The following TULP1 variants were observed in gnomAD, a reference collection of about 807,000 sequenced individuals.
The protein encoded by TULP1 is tubby-related protein 1.
In TULP1, 50 loss-of-function variants were observed where a neutral mutation model predicts 67.1. The ratio of observed to expected loss-of-function variants is 0.75; its 90% CI spans 0.59 to 0.94. TULP1 has a LOEUF of 0.94. Ranked by LOEUF, TULP1 falls within the 40% of genes least tolerant of loss-of-function variation. The probability of loss-of-function intolerance (pLI) is 0.00; values close to 1 mark genes in which losing one functional copy is unlikely to be tolerated. For missense variants in TULP1, 746 were observed against 734.1 expected, an observed-to-expected ratio of 1.02 and a Z score of -0.19; for synonymous variants, 297 against 294.0, an observed-to-expected ratio of 1.01 and a Z score of -0.11.
intron 11 of TULP1, chr6:35,505,524 T>C: frequency 7.2e-7 from 1 of 1,383,270 alleles, no homozygotes; most frequent in Middle Eastern, 1.8e-4. Context: ...TGGGTGCTCA[T>C]TAAAAATGTA....
chr6:35,510,960 C>T lies in TULP1; in HGVS notation c.400G>A (p.Glu134Lys), dbSNP rs1333452318. 6.2e-7 allele frequency: 1 copy of T among 1,612,040 alleles called. No individual in the cohort carries two copies. ...DEEDEEEEAE[E>K]KKEKILLPPK... ...GGCAGAAGGATTTTCTCTTTCTTTT[C>T]CTCTGCCTCCTCTTCCTCGTCCTCC... Residue 134 changes from glutamate (E) to lysine (K), a missense_variant, in exon 5 of 15, where the codon GAA becomes AAA. By Grantham distance (56) the Glu-to-Lys change is moderately conservative. Transcript: ENST00000229771.
intron 13 of TULP1, among the ~76,000 whole-genome samples, chr6:35,501,371 A>C (rs1332290660): frequency 1.3e-5 from 2 of 152,024 alleles, no homozygotes; most frequent in Non-Finnish European, 2.9e-5. Flanking sequence ...GCATGTGCCT[A>C]GGGTCTCAGC....
At chr6:35,509,179 C>A in intron 8 of TULP1, 30 bp downstream of exon 8, 1 of 1,598,748 alleles carries the variant, frequency 6.3e-7, no homozygotes, top group African/African-American at 1.3e-5. Context: ...CCTGAAGGGA[C>A]CTCAGCCCCC....
intron 11 of TULP1, among the ~76,000 whole-genome samples, chr6:35,504,508 C>G (rs1469583427): frequency 6.6e-6 from 1 of 152,202 alleles, no homozygotes; most frequent in Non-Finnish European, 1.5e-5. Flanking sequence ...AACAGCATTT[C>G]CCTCATTTGG....
At chr6:35,502,471 C>T (rs1048795682) in intron 13 of TULP1, among the ~76,000 whole-genome samples, 2 of 148,652 alleles carry the variant, frequency 1.3e-5, no homozygotes, top group South Asian at 2.1e-4. Flanking sequence ...GGGTCACAAG[C>T]GTGAGCCACC....
In TULP1 at chr6:35,511,751, C is replaced by A. The variant is rs1017444695; in HGVS notation, c.246G>T (p.Arg82=). 5.0e-6 allele frequency: 8 copies of A among 1,584,760 alleles called. No homozygotes were observed. The South Asian group carries it at 9.2e-5, about 18-fold the overall frequency. Reference sequence around the variant, plus strand: ...ACCTGGCGTAGACCGTCTGCGGCGCCCGGGCCTGGGCTGGGTCTGGGGAAG... The same window carrying A: ...ACCTGGCGTAGACCGTCTGCGGCGCACGGGCCTGGGCTGGGTCTGGGGAAG... The part of the protein sequence containing the change: ...EEPSPDPAQA[R]APQTVYARFL... Residue 82 remains arginine (R), a synonymous_variant, in exon 4 of 15, where the codon CGG becomes CGT. Transcript: ENST00000229771.
intron 13 of TULP1, among the ~76,000 whole-genome samples, chr6:35,501,843 T>A (rs1382774217): frequency 6.6e-6 from 1 of 152,122 alleles, no homozygotes; most frequent in Non-Finnish European, 1.5e-5. Flanking sequence ...ACAAGTCATG[T>A]CACTCCTTTG....
At chr6:35,507,565 C>G (rs1761110828) in intron 8 of TULP1, among the ~76,000 whole-genome samples, 1 of 152,178 alleles carries the variant, frequency 6.6e-6, no homozygotes, top group Admixed American at 6.5e-5. Context: ...CTCCTAAGAA[C>G]AATTTGGTGA....
At chr6:35,506,690 A>G (rs2075611) in intron 8 of TULP1, among the ~76,000 whole-genome samples, 68,080 of 152,016 alleles carry the variant, frequency 0.45, 15,819 homozygotes, top group Admixed American at 0.57. Flanking sequence ...CCCCACTGCG[A>G]TAGTCATCCC....
At chr6:35,509,602 A>G (rs1271847628) in intron 7 of TULP1, 32 bp downstream of exon 7, 2 of 1,605,922 alleles carry the variant, frequency 1.2e-6, no homozygotes, top group East Asian at 2.2e-5. Flanking sequence ...CCACCTCAAG[A>G]TGTCACCACA....
intron 3 of TULP1, 136 bp downstream of exon 3, chr6:35,512,044 C>T (rs1761217771): frequency 1.8e-6 from 1 of 543,646 alleles, no homozygotes; most frequent in Non-Finnish European, 3.0e-6. Context: ...AACCCCAATC[C>T]CTCCCCTCTC....
At position 35,512,683 on chromosome 6, in the gene TULP1, C is replaced by T. The variant is rs367559991; in HGVS notation, c.55G>A (p.Glu19Lys). The stretch of plus-strand genomic sequence containing the variant: ...GCCTCCGGGCTCAGGCTTTCTTCTT[C>T]ATGCCCACTGAGGGTAGCAAAGGGA... ...REVWASDSGH[E>K]EESLSPEAPR... Residue 19 changes from glutamate (E) to lysine (K), a missense_variant, in exon 2 of 15, where the codon GAA becomes AAA. Around this residue, in one of 3 missense-constraint regions of TULP1, gnomAD observed 359 missense variants for 341.9 expected, o/e 1.05. Coordinates refer to ENST00000229771, the MANE Select transcript of TULP1 (RefSeq NM_003322.6). The T allele has an allele frequency of 5.6e-6, 9 of 1,613,934 alleles. No individual in the cohort carries two copies. In the African/African-American group the frequency reaches 1.2e-4, roughly 22 times the overall value.
rs1267789133 is a variant in TULP1 at position 35,499,843 on chromosome 6, G to A, written c.1495+138C>T. The A allele has an allele frequency of 2.8e-6, 3 of 1,074,344 alleles. No homozygotes were observed. In the African/African-American group the frequency reaches 4.6e-5, roughly 17 times the overall value. The allele number at this position is 1,074,344 out of a possible 1,614,324, so 66.6% of individuals were successfully genotyped here. On this transcript the variant is annotated intron_variant, in intron 14 of 14. Transcript: ENST00000229771. Reference sequence around the variant, plus strand: ...ACAGTGTCAGTGCCTATGGAGGAGAGAGTGACCCTGTGGGATGTCCCAGCT... The same window carrying A: ...ACAGTGTCAGTGCCTATGGAGGAGAAAGTGACCCTGTGGGATGTCCCAGCT...
Position 35,499,884 on chromosome 6 carries a change from G to GGT in TULP1, c.1495+95_1495+96dup, listed in dbSNP as rs534847827. ...TGTCCCAGCTCTCGGGATAAAGGCT[G>GGT]GTGTGTGTGTGTGTGAGGGGGTGAG... On this transcript the variant is annotated intron_variant, in intron 14 of 14. Transcript: ENST00000229771. The GGT allele has an allele frequency of 2.1e-3, 2,800 of 1,355,610 alleles. 5 individuals are homozygous for GGT. Among genetic ancestry groups the GGT allele is most frequent in the South Asian group, 8.2e-3 (695 of 84,756 alleles). 84.0% of individuals were successfully genotyped at this position (1,355,610 alleles called of 1,614,324 possible).
In TULP1 at chr6:35,500,060, A is replaced by G; in HGVS notation, c.1416T>C (p.Ser472=). 1 of 1,614,172 alleles carries G rather than the reference A, an allele frequency of 6.2e-7. No homozygotes were observed. The highest frequency in any genetic ancestry group is 8.5e-7 in the Non-Finnish European group (1 of 1,180,032). The change falls in exon 14 of 15, where the codon AGT becomes AGC. Residue 472 remains serine, a synonymous_variant. Transcript: ENST00000229771. ...HNKPPVWNDD[S]GSYTLNFQGR... is the part of the protein sequence containing the mutation. Reference sequence around the variant, plus strand: ...CTTGGAAGTTGAGGGTGTAGGAGCCACTGTCATCGTTCCAGACAGGTGGCT... The same window carrying G: ...CTTGGAAGTTGAGGGTGTAGGAGCCGCTGTCATCGTTCCAGACAGGTGGCT...
Position 35,503,320 on chromosome 6 carries a change from G to T in TULP1, c.1323+239C>A. ...TTGGCACTCAATATGTGTGGTCAATGAAGATATGAATGGATGTAATATATG... is the reference window on the plus strand; with the variant it reads ...TTGGCACTCAATATGTGTGGTCAATTAAGATATGAATGGATGTAATATATG... On this transcript the variant is annotated intron_variant, in intron 13 of 14. Coordinates refer to ENST00000229771, the MANE Select transcript of TULP1 (RefSeq NM_003322.6). This position sits in a 1 kb window ranked among gnomAD's most constrained non-coding sequence, Gnocchi z 4.0. 1 of 541,210 alleles carries T rather than the reference G, an allele frequency of 1.8e-6. No homozygotes were observed. Among genetic ancestry groups the T allele is most frequent in the African/African-American group, 1.9e-5 (1 of 52,638 alleles). The allele number at this position is 541,210 out of a possible 1,614,324, so 33.5% of individuals were successfully genotyped here.
In TULP1 at chr6:35,503,778, T is replaced by C. The variant is rs1761022430; in HGVS notation, c.1183A>G (p.Asn395Asp). 3 of 1,613,558 alleles carry C rather than the reference T, an allele frequency of 1.9e-6. No homozygotes were observed. In the African/African-American group the frequency reaches 4.0e-5, roughly 22 times the overall value. The change falls in exon 12 of 15, where the codon AAT becomes GAT. Residue 395 changes from asparagine to aspartate, a missense_variant. Physicochemically the swap from Asn to Asp is conservative, Grantham distance 23. Around this residue, in one of 3 missense-constraint regions of TULP1, gnomAD observed 383 missense variants for 374.1 expected, o/e 1.02. Transcript: ENST00000229771. This position sits in a 1 kb window ranked among gnomAD's most constrained non-coding sequence, Gnocchi z 4.0. The stretch of plus-strand genomic sequence containing the variant: ...AGCTCCTGCCGAAGGCTTGCCACAT[T>C]AGTGCTGTACCCACGCTGTGGGTTC... ...GQNPQRGYSTNVASLRQELAA... is the reference protein window; with the variant it reads ...GQNPQRGYSTDVASLRQELAA...
In TULP1 at chr6:35,512,700, GCAAAGGGAT is replaced by G; in HGVS notation, c.48-19_48-11del. 1 of 1,613,926 alleles carries G rather than the reference GCAAAGGGAT, an allele frequency of 6.2e-7. No homozygotes were observed. The highest frequency in any genetic ancestry group is 8.5e-7 in the Non-Finnish European group (1 of 1,179,988). On this transcript the variant is annotated splice_polypyrimidine_tract_variant and intron_variant, in intron 1 of 14. Transcript: ENST00000229771. Reference sequence around the variant, plus strand: ...TTCTTCTTCATGCCCACTGAGGGTAGCAAAGGGATCAGCCTGTCTCCCTTCCCCTTCCCT... The same window carrying G: ...TTCTTCTTCATGCCCACTGAGGGTAGCAGCCTGTCTCCCTTCCCCTTCCCT...
intron 1 of TULP1, 46 bp from the exon 2 acceptor site, chr6:35,512,736 C>T (rs1761237433): frequency 1.2e-6 from 2 of 1,601,314 alleles, no homozygotes; most frequent in South Asian, 1.1e-5. Flanking sequence ...CCCTTCCCTC[C>T]CCATCCCACC....
Sources: allele counts gnomAD v4.1 joint callset (sites outside exome capture counted in the v4.1 genomes callset), GRCh38; gene constraint gnomAD v4.1.1; regional missense constraint gnomAD v4.1.1; non-coding constraint Gnocchi (gnomAD v3.1); transcripts MANE v1.5; gene names NCBI Gene and HGNC (gene_info 2026-07-23, HGNC 2026-07-21).